Variants in RGS7 observed in about 807,000 individuals in gnomAD.
RGS7 encodes the protein regulator of G protein signaling 7, also known as regulator of G-protein signaling 7.
RGS7 carries 27 observed loss-of-function variants against 81.1 expected under a neutral mutation model. The observed-to-expected ratio is 0.33, with a 90% CI of 0.25 to 0.46. The LOEUF (loss-of-function observed/expected upper bound fraction) is 0.46, where lower values mean the gene tolerates loss of function less well. RGS7 is among the 20% of genes least tolerant of loss of function. RGS7 has a pLI of 1.00. For synonymous variants in RGS7, 208 were observed against 207.7 expected, an observed-to-expected ratio of 1.00 and a Z score of -0.01; for missense variants, 396 against 607.4, an observed-to-expected ratio of 0.65 and a Z score of 3.66.
rs117242973 is a variant in RGS7, at chr1:240,857,616, T to C, written c.609+10971A>G. On this transcript the variant is annotated intron_variant, in intron 9 of 18. Transcript: ENST00000440928. ...TTGCCTTTTCCACAATGTCATAGAGTTGGAATCATATGATAACTGGCCTTC... is the reference window on the plus strand; with the variant it reads ...TTGCCTTTTCCACAATGTCATAGAGCTGGAATCATATGATAACTGGCCTTC... 3.7e-4 allele frequency among the ~76,000 whole-genome samples: 56 copies of C among 152,240 alleles called. No homozygotes were observed. The East Asian group carries it at 0.01, about 27-fold the overall frequency.
chr1:240,799,620 T>C (rs1041342541), intron 18 of RGS7, among the ~76,000 whole-genome samples: 3 of 152,122 alleles, frequency 2.0e-5, no homozygotes, highest in African/African-American at 4.8e-5. Flanking sequence ...AGAATTATCT[T>C]GGGCCACACA....
intron 2 of RGS7, among the ~76,000 whole-genome samples, chr1:241,332,131 GC>G (rs1232346227): frequency 6.6e-6 from 1 of 152,156 alleles, no homozygotes; most frequent in Non-Finnish European, 1.5e-5. Flanking sequence ...AAGTAATCAT[GC>G]AAGGAACAGT....
In RGS7 at chr1:240,879,446, G is replaced by T. The variant is rs190645857; in HGVS notation, c.386-9327C>A. 4.3e-3 allele frequency among the ~76,000 whole-genome samples: 653 copies of T among 152,244 alleles called. 6 individuals are homozygous for T. Among genetic ancestry groups the T allele is most frequent in the African/African-American group, 0.015 (640 of 41,566 alleles). On this transcript the variant is annotated intron_variant, in intron 6 of 18. Coordinates refer to ENST00000440928, the MANE Select transcript of RGS7 (RefSeq NM_001364886.1). ...GATTTTATTTAGGATCTAATCTAAA[G>T]ATACTTGTTCTTTTTACAGATGAAT... is the stretch of plus-strand genomic sequence containing the variant.
chr1:240,992,863 AT>A (rs199553520), intron 3 of RGS7, among the ~76,000 whole-genome samples: 5,493 of 144,694 alleles, frequency 0.038, 155 homozygotes, highest in Middle Eastern at 0.089. Context: ...AAAAAAAAAA[AT>A]ATTAGCCGGG....
At chr1:240,931,362 T>C (rs1325440080) in intron 5 of RGS7, among the ~76,000 whole-genome samples, 1 of 152,190 alleles carries the variant, frequency 6.6e-6, no homozygotes, top group Non-Finnish European at 1.5e-5. Context: ...ATTTCTACCA[T>C]TTAGTCGTGC....
At chr1:241,183,990 T>C (rs1333659453) in intron 2 of RGS7, among the ~76,000 whole-genome samples, 1 of 152,174 alleles carries the variant, frequency 6.6e-6, no homozygotes, top group Non-Finnish European at 1.5e-5. Flanking sequence ...CAGGAGTCGA[T>C]GGGAGTCAGA....
intron 6 of RGS7, among the ~76,000 whole-genome samples, chr1:240,885,668 T>C (rs1558412473): frequency 6.6e-6 from 1 of 152,162 alleles, no homozygotes; most frequent in Non-Finnish European, 1.5e-5. Context: ...ATGCCACATG[T>C]TCTCACTTAT....
intron 2 of RGS7, among the ~76,000 whole-genome samples, chr1:241,224,076 A>G (rs2075169776): frequency 6.7e-6 from 1 of 150,340 alleles, no homozygotes; most frequent in Non-Finnish European, 1.5e-5. Context: ...ATATATATAT[A>G]TACCATATAT....
intron 6 of RGS7, among the ~76,000 whole-genome samples, chr1:240,873,842 T>C (rs1461712705): frequency 6.6e-6 from 1 of 152,222 alleles, no homozygotes; most frequent in Admixed American, 6.5e-5. Flanking sequence ...ACCCAGGTAA[T>C]GCAAATTAAC....
intron 6 of RGS7, among the ~76,000 whole-genome samples, chr1:240,882,783 C>T (rs1172619507): frequency 6.6e-6 from 1 of 152,066 alleles, no homozygotes. Flanking sequence ...TGATTGAATT[C>T]AGCTCCCTCT....
At chr1:240,850,406 G>A (rs1659897270) in intron 9 of RGS7, among the ~76,000 whole-genome samples, 1 of 152,154 alleles carries the variant, frequency 6.6e-6, no homozygotes, top group Non-Finnish European at 1.5e-5. Context: ...ATCGTTTTGG[G>A]ATGCCACAGG....
chr1:241,071,765 T>C (rs554731879), intron 3 of RGS7, among the ~76,000 whole-genome samples: 3 of 149,746 alleles, frequency 2.0e-5, no homozygotes, highest in African/African-American at 4.9e-5. Context: ...ACCCAGCTAC[T>C]TGGGAGGCTG....
At chr1:241,147,818 A>ATATATATATATG (rs2068452909) in intron 2 of RGS7, among the ~76,000 whole-genome samples, 1 of 133,796 alleles carries the variant, frequency 7.5e-6, no homozygotes, top group Non-Finnish European at 1.6e-5. Context: ...ATATATATAT[A>ATATATATATATG]TGTAAGAATC....
At chr1:241,331,832 A>T (rs2081993927) in intron 2 of RGS7, among the ~76,000 whole-genome samples, 1 of 152,250 alleles carries the variant, frequency 6.6e-6, no homozygotes, top group South Asian at 2.1e-4. Context: ...ATTCATTCAC[A>T]GCAGAAAGAT....
chr1:240,793,611 A>ATATTTTT, intron 18 of RGS7, among the ~76,000 whole-genome samples: 3 of 78,872 alleles, frequency 3.8e-5, no homozygotes, highest in African/African-American at 1.9e-4. Context: ...ATATATATAT[A>ATATTTTT]TTTTTTTTTT....
At chr1:241,202,700 G>C (rs1453243533) in intron 2 of RGS7, among the ~76,000 whole-genome samples, 1 of 152,196 alleles carries the variant, frequency 6.6e-6, no homozygotes, top group Admixed American at 6.5e-5. Flanking sequence ...CAGGTGTTAT[G>C]ACCTACAGTC....
intron 3 of RGS7, among the ~76,000 whole-genome samples, chr1:241,006,449 G>A (rs535191500): frequency 2.6e-5 from 4 of 152,058 alleles, no homozygotes; most frequent in East Asian, 1.9e-4. Context: ...TATCAAGCTC[G>A]CTAGACAAGA....
At chr1:241,217,737 G>A (rs1238787597) in intron 2 of RGS7, among the ~76,000 whole-genome samples, 1 of 152,228 alleles carries the variant, frequency 6.6e-6, no homozygotes, top group South Asian at 2.1e-4. Context: ...AACTATGTAT[G>A]TGTTAAGCAT....
intron 5 of RGS7, among the ~76,000 whole-genome samples, chr1:240,934,919 C>T (rs868866445): frequency 8.4e-5 from 9 of 106,510 alleles, no homozygotes; most frequent in South Asian, 6.2e-4. Context: ...GACTGAGTCT[C>T]GCTCTGTCGC....
Sources: allele counts gnomAD v4.1 joint callset (sites outside exome capture counted in the v4.1 genomes callset), GRCh38; gene constraint gnomAD v4.1.1; transcripts MANE v1.5; gene names NCBI Gene and HGNC (gene_info 2026-07-23, HGNC 2026-07-21).